Variants in GSDMC observed in about 807,000 individuals in gnomAD.
GSDMC encodes gasdermin C, also known as gasdermin-C.
A neutral mutation model predicts 58.0 loss-of-function variants in GSDMC; 59 were observed. The observed-to-expected ratio is 1.02, with a 90% confidence interval of 0.82 to 1.26. GSDMC has a LOEUF of 1.26. Among genes scored for constraint, GSDMC ranks in the 50% most tolerant of loss-of-function variants. The probability of loss-of-function intolerance (pLI) is 0.00; values close to 1 mark genes in which losing one functional copy is unlikely to be tolerated. For synonymous variants in GSDMC, 241 were observed against 220.2 expected, an observed-to-expected ratio of 1.09 and a Z score of -0.83; for missense variants, 659 against 598.5, an observed-to-expected ratio of 1.10 and a Z score of -1.06.
chr8:129,707,370 A>G, the GSDMC span, among the ~76,000 whole-genome samples: 388 of 152,316 alleles, frequency 2.5e-3, 2 homozygotes, highest in African/African-American at 9.0e-3. Flanking sequence ...CACAGGAACT[A>G]AAATATGAAG....
chr8:129,775,803 T>C (rs186992574), intron 3 of GSDMC, among the ~76,000 whole-genome samples: 1 of 152,348 alleles, frequency 6.6e-6, no homozygotes, highest in African/African-American at 2.4e-5. Flanking sequence ...ATCCCTTGTC[T>C]CCACTAAATG....
At position 129,776,278 on chromosome 8, in the gene GSDMC, AACAGTTTCTGGGG is replaced by A. The variant is rs2034225037; in HGVS notation, c.221-6_227del. Reference sequence around the variant, plus strand: ...CACTGAAGTGGAACGGTCCTGTCACAACAGTTTCTGGGGAAAGAAAAGACGACCATAGGTTTAG... The same window carrying A: ...CACTGAAGTGGAACGGTCCTGTCACAAAAGAAAAGACGACCATAGGTTTAG... On this transcript the variant is annotated splice_acceptor_variant and splice_polypyrimidine_tract_variant and coding_sequence_variant and intron_variant, in exon 3 of 14. Coordinates refer to ENST00000276708, the MANE Select transcript of GSDMC (RefSeq NM_031415.3). LOFTEE classifies it high-confidence loss of function. 1.2e-6 allele frequency: 2 copies of A among 1,602,016 alleles called. No individual in the cohort carries two copies. Among genetic ancestry groups the A allele is most frequent in the African/African-American group, 2.7e-5 (2 of 74,346 alleles).
intron 6 of GSDMC, among the ~76,000 whole-genome samples, chr8:129,758,679 TA>T (rs201507828): frequency 0.015 from 2,319 of 151,988 alleles, 59 homozygotes; most frequent in African/African-American, 0.054. Context: ...TTCTCTACAA[TA>T]AAAACTATAA....
the GSDMC span, among the ~76,000 whole-genome samples, chr8:129,727,238 A>G: frequency 1.3e-5 from 2 of 152,238 alleles, no homozygotes; most frequent in African/African-American, 4.8e-5. Flanking sequence ...TGTCCTTATA[A>G]GAAAAGACAA....
chr8:129,719,871 G>C, the GSDMC span, among the ~76,000 whole-genome samples: 2 of 152,178 alleles, frequency 1.3e-5, no homozygotes, highest in African/African-American at 4.8e-5. Context: ...CTTGAAATCA[G>C]GAGGCAGAGG....
chr8:129,722,215 G>A, the GSDMC span, among the ~76,000 whole-genome samples: 9 of 152,008 alleles, frequency 5.9e-5, no homozygotes, highest in East Asian at 3.9e-4. Flanking sequence ...GAAGCCCTAC[G>A]GTGCTCGGGG....
chr8:129,745,718 G>T (rs1220704579), downstream of GSDMC, among the ~76,000 whole-genome samples: 1 of 151,648 alleles, frequency 6.6e-6, no homozygotes, highest in Non-Finnish European at 1.5e-5. Flanking sequence ...AAAGAAATAG[G>T]TGATAGGGAA....
chr8:129,780,595 A>G (rs938316907), intron 1 of GSDMC, among the ~76,000 whole-genome samples: 1 of 152,142 alleles, frequency 6.6e-6, no homozygotes, highest in Non-Finnish European at 1.5e-5. Flanking sequence ...CCCAAACAAA[A>G]ACTGAGAGAT....
chr8:129,778,271 A>G lies in GSDMC; in HGVS notation c.-4-680T>C, dbSNP rs2034305091. ...TTTGGAAGCAATGGATGCCTGGAATATGTGAGGTGGAAAGGAAAGAAGATG... is the reference window on the plus strand; with the variant it reads ...TTTGGAAGCAATGGATGCCTGGAATGTGTGAGGTGGAAAGGAAAGAAGATG... On this transcript the variant is annotated intron_variant, in intron 1 of 13. Coordinates refer to ENST00000276708, the MANE Select transcript of GSDMC (RefSeq NM_031415.3). 2.0e-5 allele frequency among the ~76,000 whole-genome samples: 3 copies of G among 152,294 alleles called. No individual in the cohort carries two copies. In the South Asian group the frequency reaches 6.2e-4, roughly 32 times the overall value.
At chr8:129,777,668 C>T in intron 1 of GSDMC, 77 bp from the exon 2 acceptor site, 1 of 783,178 alleles carries the variant, frequency 1.3e-6, no homozygotes, top group Non-Finnish European at 2.2e-6. Context: ...TTGATATTTC[C>T]CCTAAAGGAA....
intron 6 of GSDMC, among the ~76,000 whole-genome samples, chr8:129,754,020 C>G (rs1466276510): frequency 2.0e-5 from 3 of 152,212 alleles, no homozygotes; most frequent in African/African-American, 7.2e-5. Flanking sequence ...TATTTTACTT[C>G]AATCCCTAGC....
intron 6 of GSDMC, 35 bp from the exon 7 acceptor site, chr8:129,752,855 C>G (rs2033270132): frequency 6.2e-7 from 1 of 1,613,542 alleles, no homozygotes; most frequent in Admixed American, 1.7e-5. Context: ...GACTGGGTAA[C>G]TTTACATTGA....
chr8:129,707,457 T>G, the GSDMC span, among the ~76,000 whole-genome samples: 2 of 152,188 alleles, frequency 1.3e-5, no homozygotes, highest in Non-Finnish European at 2.9e-5. Flanking sequence ...AATATCATTC[T>G]AAGGAAAAAA....
intron 3 of GSDMC, among the ~76,000 whole-genome samples, chr8:129,771,328 G>C (rs1174153219): frequency 6.6e-6 from 1 of 151,798 alleles, no homozygotes; most frequent in African/African-American, 2.4e-5. Flanking sequence ...GAACCTAACA[G>C]ACATATACAG....
At chr8:129,757,562 T>G (rs2033489727) in intron 6 of GSDMC, among the ~76,000 whole-genome samples, 1 of 151,794 alleles carries the variant, frequency 6.6e-6, no homozygotes. Context: ...AGGCCAGTAT[T>G]ACCCAGATAC....
At chr8:129,713,400 C>T in the GSDMC span, among the ~76,000 whole-genome samples, 1 of 87,332 alleles carries the variant, frequency 1.1e-5, no homozygotes, top group Admixed American at 1.2e-4. Context: ...AGCCTTGTGG[C>T]CTCAGTGAAA....
At chr8:129,727,409 G>A in the GSDMC span, among the ~76,000 whole-genome samples, 1 of 152,122 alleles carries the variant, frequency 6.6e-6, no homozygotes, top group Non-Finnish European at 1.5e-5. Flanking sequence ...GGAGGAGAAC[G>A]CCGGCAAACA....
At chr8:129,779,230 C>T (rs899721476) in intron 1 of GSDMC, among the ~76,000 whole-genome samples, 1 of 152,110 alleles carries the variant, frequency 6.6e-6, no homozygotes, top group Non-Finnish European at 1.5e-5. Context: ...CAACTATGGA[C>T]TAGATAAAGA....
chr8:129,762,603 T>C, intron 5 of GSDMC, 23 bp downstream of exon 5: 1 of 1,460,884 alleles, frequency 6.8e-7, no homozygotes, highest in Non-Finnish European at 9.6e-7. Flanking sequence ...GCCATCTGCC[T>C]TGCTGAGCTC....
Sources: gnomAD v4.1 joint callset for allele counts (sites outside exome capture counted in the v4.1 genomes callset) on GRCh38, gnomAD v4.1.1 for gene constraint, MANE v1.5 for transcripts, NCBI Gene and HGNC (gene_info 2026-07-23, HGNC 2026-07-21) for gene names.